SEC22C: variants seen among roughly 807,000 people sequenced by gnomAD.
SEC22C encodes SEC22 homolog C, vesicle trafficking protein.
SEC22C carries 29 observed loss-of-function variants against 34.7 expected under a neutral mutation model. The observed-to-expected ratio is 0.84, with a 90% CI of 0.62 to 1.14. The LOEUF (loss-of-function observed/expected upper bound fraction) is 1.14. Among genes scored for constraint, SEC22C ranks in the 50% most tolerant of loss-of-function variants. SEC22C has a pLI of 0.00. For missense variants in SEC22C, 337 were observed against 369.0 expected (o/e 0.91, Z 0.71); for synonymous variants, 117 against 132.8 (o/e 0.88, Z 0.82).
chr3:42,594,503 GGAATAATCTTTCAAAAGCAATA>G (rs746724424), intron 1 of SEC22C: 86 of 1,612,744 alleles, frequency 5.3e-5, no homozygotes, highest in Middle Eastern at 1.6e-4. Context: ...CAAAAGCAAT[GGAATAATCTTTCAAAAGCAATA>G]GAATAATCTT....
At chr3:42,583,461 T>C (rs1275440415), upstream of SEC22C, among the ~76,000 whole-genome samples, 1 of 152,170 alleles carries the variant, frequency 6.6e-6, no homozygotes, top group Non-Finnish European at 1.5e-5. Context: ...GATTCACAGA[T>C]ATGGAGAACA....
At chr3:42,575,372 T>C (rs1207311187) in intron 1 of SEC22C, among the ~76,000 whole-genome samples, 6 of 152,198 alleles carry the variant, frequency 3.9e-5, no homozygotes, top group Non-Finnish European at 8.8e-5. Flanking sequence ...CCCAATTATA[T>C]ACTATCTACA....
chr3:42,581,442 T>A (rs1241177889), intron 1 of SEC22C: 1 of 152,294 alleles, frequency 6.6e-6, no homozygotes, highest in East Asian at 1.9e-4. Context: ...TATCCAATAT[T>A]TAAAGTCTAA....
At chr3:42,564,006 T>C in intron 2 of SEC22C, 1 of 1,146,958 alleles carries the variant, frequency 8.7e-7, no homozygotes, top group Non-Finnish European at 1.1e-6. Flanking sequence ...TTTTCTTCTT[T>C]AATCTACATC....
At chr3:42,598,270 A>G (rs1705091609) in intron 1 of SEC22C, among the ~76,000 whole-genome samples, 1 of 152,214 alleles carries the variant, frequency 6.6e-6, no homozygotes. Flanking sequence ...GACATGCTAC[A>G]ACATGGATGA....
Position 42,588,408 on chromosome 3 carries a change from AAAC to A in SEC22C, c.-28+12549_-28+12551del, listed in dbSNP as rs1434845046. On this transcript the variant is annotated intron_variant, in intron 1 of 6. Transcript: ENST00000417572. ...CAACAGAATAAGACTTTGTATCAAAAAACAACAACAACAAAAAAACCCCTTCAC... is the reference window on the plus strand; with the variant it reads ...CAACAGAATAAGACTTTGTATCAAAAAACAACAACAAAAAAACCCCTTCAC... Among the ~76,000 whole-genome samples, 7 of 152,296 alleles carry A rather than the reference AAAC, an allele frequency of 4.6e-5. No homozygotes were observed. In the South Asian group the frequency reaches 6.2e-4, roughly 14 times the overall value.
At chr3:42,578,236 G>C (rs544035592) in intron 1 of SEC22C, among the ~76,000 whole-genome samples, 1 of 152,142 alleles carries the variant, frequency 6.6e-6, no homozygotes, top group African/African-American at 2.4e-5. Flanking sequence ...CAAAGAAGAA[G>C]AATAAACTAT....
intron 1 of SEC22C, among the ~76,000 whole-genome samples, chr3:42,574,143 T>C (rs762920625): frequency 6.6e-6 from 1 of 151,826 alleles, no homozygotes; most frequent in Non-Finnish European, 1.5e-5. Context: ...GGGAAAACAA[T>C]TCAAATGACA....
In SEC22C at chr3:42,561,268, A is replaced by G. The variant is rs748045203; in HGVS notation, c.375T>C (p.His125=). The G allele has an allele frequency of 3.7e-6, 6 of 1,614,228 alleles. No homozygotes were observed. Among genetic ancestry groups the G allele is most frequent in the Non-Finnish European group, 5.1e-6 (6 of 1,180,030 alleles). The change falls in exon 4 of 7, where the codon CAT becomes CAC. Residue 125 remains histidine, a synonymous_variant. Transcript: ENST00000264454. ...TCTGAGAGGAACTTACATAGTTAAA[A>G]TGCCACTTCACTTTCTGAATGATGC... ...FDSIIQKVKW[H]FNYVSSSQME...
chr3:42,584,124 TATAG>T (rs1481299423), upstream of SEC22C, among the ~76,000 whole-genome samples: 2 of 152,194 alleles, frequency 1.3e-5, no homozygotes, highest in Non-Finnish European at 2.9e-5. Context: ...CCCATATATC[TATAG>T]ATATAGATCT....
At chr3:42,555,182 A>G (rs1702459188) in intron 6 of SEC22C, among the ~76,000 whole-genome samples, 2 of 152,098 alleles carry the variant, frequency 1.3e-5, no homozygotes, top group Admixed American at 1.3e-4. Context: ...CGTCTCTACT[A>G]AAAGTACAAA....
chr3:42,587,845 G>A (rs1704673870), intron 1 of SEC22C, among the ~76,000 whole-genome samples: 1 of 152,122 alleles, frequency 6.6e-6, no homozygotes, highest in South Asian at 2.1e-4. Flanking sequence ...GCTGAGGTGG[G>A]TGGTTCACCT....
At position 42,551,841 on chromosome 3, in the gene SEC22C, T is replaced by A; in HGVS notation, c.*1407A>T. The A allele has an allele frequency of 1.0e-6, 1 of 981,036 alleles. No homozygotes were observed. The highest frequency in any genetic ancestry group is 1.2e-6 in the Non-Finnish European group (1 of 825,902). The allele number at this position is 981,036 out of a possible 1,614,324, so 60.8% of individuals were successfully genotyped here. On this transcript the variant is annotated 3_prime_UTR_variant, in exon 7 of 7. Coordinates refer to ENST00000264454, the MANE Select transcript of SEC22C (RefSeq NM_032970.4). ...TCTAAAACTACATTCTTACATTCCC[T>A]ATCCACTCAACTCTTGTAATGGTTT...
intron 1 of SEC22C, among the ~76,000 whole-genome samples, chr3:42,599,076 C>T (rs1249320041): frequency 8.6e-5 from 13 of 151,346 alleles, no homozygotes; most frequent in Non-Finnish European, 1.6e-4. Context: ...CGCCATTCTT[C>T]TGCCTCAGCC....
At chr3:42,589,047 G>A (rs1289174496) in intron 1 of SEC22C, among the ~76,000 whole-genome samples, 8 of 151,934 alleles carry the variant, frequency 5.3e-5, no homozygotes, top group African/African-American at 7.3e-5. Context: ...GGCGGATCAC[G>A]AGGTCAGGAG....
intron 3 of SEC22C, 39 bp downstream of exon 3, chr3:42,563,484 C>T (rs975319078): frequency 6.4e-7 from 1 of 1,571,186 alleles, no homozygotes. Flanking sequence ...CATATAACAC[C>T]ATGGAAGAGA....
chr3:42,595,156 T>C (rs1704992004), intron 1 of SEC22C: 1 of 152,248 alleles, frequency 6.6e-6, no homozygotes, highest in Non-Finnish European at 1.5e-5. Context: ...CATCTGATAA[T>C]AGATGATGTT....
chr3:42,574,777 A>AAGT (rs1703863373), intron 1 of SEC22C, among the ~76,000 whole-genome samples: 2 of 152,180 alleles, frequency 1.3e-5, no homozygotes, highest in Admixed American at 6.5e-5. Context: ...CCCACTAAAA[A>AAGT]CTATACAAAG....
At chr3:42,595,550 T>C (rs1705003748) in intron 1 of SEC22C, among the ~76,000 whole-genome samples, 1 of 152,216 alleles carries the variant, frequency 6.6e-6, no homozygotes, top group African/African-American at 2.4e-5. Flanking sequence ...TTCACTTAAA[T>C]TATGATCCAC....
Sources: gnomAD v4.1 joint callset for allele counts (sites outside exome capture counted in the v4.1 genomes callset) on GRCh38, gnomAD v4.1.1 for gene constraint, MANE v1.5 for transcripts, NCBI Gene and HGNC (gene_info 2026-07-23, HGNC 2026-07-21) for gene names.